The following NCAM1 variants were observed in gnomAD, a reference collection of about 807,000 sequenced individuals.
NCAM1 encodes antigen recognized by monoclonal antibody 5.1H11.
NCAM1 carries 14 observed loss-of-function variants against 109.8 expected under a neutral mutation model. That is an observed-to-expected ratio of 0.13 (90% CI 0.08 to 0.20). The LOEUF is 0.20. NCAM1 is among the 10% of genes least tolerant of loss of function. The probability of loss-of-function intolerance (pLI) is 1.00; values close to 1 mark genes in which losing one functional copy is unlikely to be tolerated. For missense variants in NCAM1, 774 were observed against 1,109.9 expected (o/e 0.70, Z 4.30); for synonymous variants, 418 against 442.9 (o/e 0.94, Z 0.70).
chr11:113,127,277 A>G (rs1397008699), intron 1 of NCAM1, among the ~76,000 whole-genome samples: 1 of 152,230 alleles, frequency 6.6e-6, no homozygotes, highest in African/African-American at 2.4e-5. Context: ...ACACTGCCGT[A>G]GAATAATAAA....
At chr11:113,012,372 T>A (rs1418580384) in intron 1 of NCAM1, among the ~76,000 whole-genome samples, 1 of 152,092 alleles carries the variant, frequency 6.6e-6, no homozygotes, top group Non-Finnish European at 1.5e-5. Context: ...AATTTGAATA[T>A]AGGTTGTACA....
chr11:113,047,925 A>G (rs1317193312), intron 1 of NCAM1, among the ~76,000 whole-genome samples: 31 of 152,172 alleles, frequency 2.0e-4, no homozygotes, highest in African/African-American at 7.5e-4. Flanking sequence ...GGTAGCTACA[A>G]TTGAAGATGA....
intron 15 of NCAM1, among the ~76,000 whole-genome samples, chr11:113,253,124 T>C (rs951065608): frequency 2.6e-5 from 4 of 152,226 alleles, no homozygotes; most frequent in Middle Eastern, 3.4e-3. Flanking sequence ...CAAATTACAT[T>C]TTTTCTGAAA....
intron 1 of NCAM1, among the ~76,000 whole-genome samples, chr11:113,101,958 C>G (rs1246447076): frequency 1.3e-5 from 2 of 152,116 alleles, no homozygotes; most frequent in Non-Finnish European, 2.9e-5. Context: ...ACATGATGTT[C>G]TGTTAGTTTT....
chr11:113,067,003 C>CAAAA lies in NCAM1; in HGVS notation c.52+105358_52+105361dup, dbSNP rs34002848. ...TGGGTGACAGAGCGAGAACCCCTCTCAAAAAAAAAAAAAAAAAAAAAATTA... is the reference window on the plus strand; with the variant it reads ...TGGGTGACAGAGCGAGAACCCCTCTCAAAAAAAAAAAAAAAAAAAAAAAAAATTA... On this transcript the variant is annotated intron_variant, in intron 1 of 19. Transcript: ENST00000316851. Among the ~76,000 whole-genome samples, 41 of 103,640 alleles carry CAAAA rather than the reference C, an allele frequency of 4.0e-4. 1 individual carries two copies. Among genetic ancestry groups the CAAAA allele is most frequent in the East Asian group, 1.4e-3 (5 of 3,608 alleles). The allele number at this position is 103,640 out of a possible 152,430, so 68.0% of individuals were successfully genotyped here.
intron 1 of NCAM1, among the ~76,000 whole-genome samples, chr11:113,195,617 C>A (rs1680211606): frequency 6.6e-6 from 1 of 151,548 alleles, no homozygotes; most frequent in South Asian, 2.1e-4. Flanking sequence ...ATTCTCCTGC[C>A]TCAGCCTCCT....
At chr11:113,121,243 G>GTTTTT in intron 1 of NCAM1, among the ~76,000 whole-genome samples, 1 of 15,262 alleles carries the variant, frequency 6.6e-5, no homozygotes, top group Non-Finnish European at 1.7e-4. Context: ...TTTTTTTTGA[G>GTTTTT]ACAGTCTTGT....
chr11:113,262,356 G>A (rs541599900), intron 17 of NCAM1, among the ~76,000 whole-genome samples: 3 of 152,220 alleles, frequency 2.0e-5, no homozygotes, highest in Admixed American at 6.5e-5. Context: ...GGTAAAACAC[G>A]CTAGACACTA....
chr11:113,232,058 C>T, intron 10 of NCAM1, 112 bp from the exon 11 acceptor site: 1 of 1,127,984 alleles, frequency 8.9e-7, no homozygotes, highest in Non-Finnish European at 1.2e-6. Flanking sequence ...CTCTACTATA[C>T]CAGGCGCTGG....
intron 1 of NCAM1, among the ~76,000 whole-genome samples, chr11:112,967,912 A>G (rs1209569809): frequency 6.6e-6 from 1 of 152,198 alleles, no homozygotes; most frequent in African/African-American, 2.4e-5. Context: ...GCCTTCTTTA[A>G]GGAAAATACA....
intron 1 of NCAM1, among the ~76,000 whole-genome samples, chr11:113,180,457 CT>C (rs1436512355): frequency 6.6e-6 from 1 of 152,188 alleles, no homozygotes; most frequent in African/African-American, 2.4e-5. Context: ...TGAAGTTTTT[CT>C]TAGCATGACA....
chr11:113,153,255 C>CTGG (rs1402375770), intron 1 of NCAM1, among the ~76,000 whole-genome samples: 2 of 152,092 alleles, frequency 1.3e-5, no homozygotes, highest in African/African-American at 2.4e-5. Flanking sequence ...GTTGGCCAGG[C>CTGG]TGGTCTCAGA....
intron 1 of NCAM1, among the ~76,000 whole-genome samples, chr11:113,088,133 A>T (rs996534912): frequency 3.9e-5 from 6 of 152,236 alleles, no homozygotes; most frequent in African/African-American, 1.4e-4. Context: ...TCTTGAGTTT[A>T]TTTGATTTTG....
At chr11:113,071,671 C>T (rs373429730) in intron 1 of NCAM1, among the ~76,000 whole-genome samples, 209 of 152,182 alleles carry the variant, frequency 1.4e-3, no homozygotes, top group African/African-American at 4.8e-3. Flanking sequence ...GTGATCCGCC[C>T]GCCTCAGCCT....
In NCAM1 at chr11:113,104,626, T is replaced by A. The variant is rs577013510; in HGVS notation, c.53-97753T>A. On this transcript the variant is annotated intron_variant, in intron 1 of 19. Transcript: ENST00000316851. ...AATCGGGGGTAATCACTCGCTGTCC[T>A]CAGGCACTAGTTAGCAAACCACCTC... 2.0e-5 allele frequency among the ~76,000 whole-genome samples: 3 copies of A among 152,304 alleles called. No homozygotes were observed. In the South Asian group the frequency reaches 6.2e-4, roughly 32 times the overall value.
At chr11:113,203,617 C>T (rs1944140834) in intron 2 of NCAM1, among the ~76,000 whole-genome samples, 1 of 152,226 alleles carries the variant, frequency 6.6e-6, no homozygotes, top group Non-Finnish European at 1.5e-5. Flanking sequence ...ACAGTCTGTT[C>T]CTCCTCATTG....
intron 1 of NCAM1, among the ~76,000 whole-genome samples, chr11:113,090,884 G>A (rs1341225015): frequency 6.6e-6 from 1 of 152,180 alleles, no homozygotes; most frequent in Non-Finnish European, 1.5e-5. Context: ...AGGCACTTGG[G>A]ATATGGCAGT....
chr11:113,038,006 C>T lies in NCAM1; in HGVS notation c.52+76342C>T, dbSNP rs369335166. On this transcript the variant is annotated intron_variant, in intron 1 of 19. Transcript: ENST00000316851. ...TCCCAGAGGGCCAGGCTCACCCCTGCGGGTGGGGAGCACCACTACCAACCA... is the reference window on the plus strand; with the variant it reads ...TCCCAGAGGGCCAGGCTCACCCCTGTGGGTGGGGAGCACCACTACCAACCA... Among the ~76,000 whole-genome samples, 77 of 152,310 alleles carry T rather than the reference C, an allele frequency of 5.1e-4. 2 individuals are homozygous for T. The South Asian group carries it at 0.012, about 23-fold the overall frequency.
chr11:113,065,562 G>A (rs1468140238), intron 1 of NCAM1, among the ~76,000 whole-genome samples: 1 of 152,134 alleles, frequency 6.6e-6, no homozygotes, highest in Non-Finnish European at 1.5e-5. Context: ...CTTTACATGT[G>A]TGCTCTTCCT....
Sources: gnomAD v4.1 joint callset for allele counts (sites outside exome capture counted in the v4.1 genomes callset) on GRCh38, gnomAD v4.1.1 for gene constraint, MANE v1.5 for transcripts, NCBI Gene and HGNC (gene_info 2026-07-23, HGNC 2026-07-21) for gene names.